Variants in JCAD observed in about 807,000 individuals in gnomAD.
JCAD encodes the protein junctional cadherin 5 associated.
A neutral mutation model predicts 98.0 loss-of-function variants in JCAD; 40 were observed. That is an observed-to-expected ratio of 0.41 (90% CI 0.32 to 0.53). JCAD has a LOEUF of 0.53. JCAD is among the 20% of genes least tolerant of loss of function. JCAD has a pLI of 0.31. For missense variants in JCAD, 1,705 were observed against 1,738.1 expected (o/e 0.98, Z 0.34); for synonymous variants, 691 against 682.3 (o/e 1.01, Z -0.20).
chr10:30,098,956 AC>A (rs1473649160), intron 1 of JCAD, among the ~76,000 whole-genome samples: 2 of 151,788 alleles, frequency 1.3e-5, no homozygotes, highest in African/African-American at 4.8e-5. Context: ...AGTTTCCTTC[AC>A]TTGGTTTATC....
chr10:30,024,913 T>C (rs1373464323), intron 3 of JCAD, among the ~76,000 whole-genome samples: 1 of 151,908 alleles, frequency 6.6e-6, no homozygotes, highest in East Asian at 2.0e-4. Context: ...GCCAGGATGG[T>C]CTCGATCTCC....
At chr10:30,071,531 G>A (rs529435600) in intron 1 of JCAD, among the ~76,000 whole-genome samples, 30 of 152,292 alleles carry the variant, frequency 2.0e-4, no homozygotes, top group Non-Finnish European at 3.4e-4. Context: ...AAGGCCGGGT[G>A]CAGTGGCTCA....
chr10:30,098,778 C>T (rs1838419971), intron 1 of JCAD, among the ~76,000 whole-genome samples: 1 of 152,176 alleles, frequency 6.6e-6, no homozygotes. Flanking sequence ...AACTTATTAT[C>T]ATGAAATCTT....
chr10:30,063,239 C>T (rs1434781965), upstream of JCAD, among the ~76,000 whole-genome samples: 6 of 152,070 alleles, frequency 3.9e-5, no homozygotes, highest in African/African-American at 1.4e-4. Flanking sequence ...AAGTCTGGCA[C>T]AGCCCTGGGA....
intron 1 of JCAD, among the ~76,000 whole-genome samples, chr10:30,053,351 A>G (rs1350028200): frequency 2.0e-5 from 3 of 152,122 alleles, no homozygotes; most frequent in African/African-American, 7.2e-5. Flanking sequence ...ACTTGAGGTC[A>G]GGAGTTAGAG....
chr10:30,115,202 A>C (rs1198849601), intron 1 of JCAD, among the ~76,000 whole-genome samples: 1 of 152,222 alleles, frequency 6.6e-6, no homozygotes, highest in Non-Finnish European at 1.5e-5. Context: ...CTCTCTCTCC[A>C]GGAGATCCTT....
chr10:30,014,566 C>T lies in JCAD; in HGVS notation c.*3317G>A, dbSNP rs566789148. 9 of 152,142 alleles carry T rather than the reference C, an allele frequency of 5.9e-5. No individual in the cohort carries two copies. The highest frequency in any genetic ancestry group is 1.4e-4 in the African/African-American group (6 of 41,436). The allele number at this position is 152,142 out of a possible 1,614,324, so 9.4% of individuals were successfully genotyped here. Reference sequence around the variant, plus strand: ...ACGCAAACGTGATCTCTGGGGGTCACAAGATGAAATGGTAGGTGAATGTTA... The same window carrying T: ...ACGCAAACGTGATCTCTGGGGGTCATAAGATGAAATGGTAGGTGAATGTTA... On this transcript the variant is annotated 3_prime_UTR_variant, in exon 4 of 4. Transcript: ENST00000375377.
upstream of JCAD, among the ~76,000 whole-genome samples, chr10:30,060,963 C>T (rs952778677): frequency 3.9e-5 from 6 of 152,208 alleles, no homozygotes; most frequent in South Asian, 2.1e-4. Flanking sequence ...TGGAAAAGAA[C>T]GAACAATGTA....
chr10:30,068,508 G>A (rs1837825965), intron 2 of JCAD, among the ~76,000 whole-genome samples: 1 of 151,820 alleles, frequency 6.6e-6, no homozygotes. Flanking sequence ...TGCTGGTGCA[G>A]TACTGCATTT....
intron 1 of JCAD, among the ~76,000 whole-genome samples, chr10:30,079,868 T>C (rs901086952): frequency 2.0e-5 from 3 of 152,256 alleles, no homozygotes; most frequent in Admixed American, 2.0e-4. Flanking sequence ...GTTATAAAAA[T>C]AATTTAGGTC....
rs558984260 is a variant in JCAD at position 30,114,233 on chromosome 10, A to G, written n.128+1134T>C. 1.8e-4 allele frequency among the ~76,000 whole-genome samples: 28 copies of G among 152,282 alleles called. 1 individual carries two copies. The highest frequency in any genetic ancestry group is 2.9e-5 in the Non-Finnish European group (2 of 68,028). Reference sequence around the variant, plus strand: ...GGCACTTCATTTTGTGCTGTTGATAATGTTTTGTAATTATTTGATAAATGT... The same window carrying G: ...GGCACTTCATTTTGTGCTGTTGATAGTGTTTTGTAATTATTTGATAAATGT... On this transcript the variant is annotated intron_variant and non_coding_transcript_variant, in intron 1 of 2. Coordinates refer to the JCAD transcript ENST00000465712.
At chr10:30,019,091 C>G (rs569035101) in intron 3 of JCAD, among the ~76,000 whole-genome samples, 1 of 152,200 alleles carries the variant, frequency 6.6e-6, no homozygotes, top group South Asian at 2.1e-4. Context: ...CACAGTGGCT[C>G]ACGGCTGTAA....
intron 1 of JCAD, among the ~76,000 whole-genome samples, chr10:30,106,362 T>TG (rs1838580903): frequency 6.6e-6 from 1 of 151,922 alleles, no homozygotes; most frequent in Non-Finnish European, 1.5e-5. Context: ...GCCCAGGAGT[T>TG]GGAGACTGCA....
chr10:30,058,851 C>A (rs1165809437), intron 1 of JCAD, among the ~76,000 whole-genome samples: 1 of 152,178 alleles, frequency 6.6e-6, no homozygotes, highest in African/African-American at 2.4e-5. Flanking sequence ...CGGCCCCGGG[C>A]ACTCGCTGGG....
rs1303313665 is a variant in JCAD at position 30,109,824 on chromosome 10, C to CCTGATGTATGGACCAG, written n.128+5527_128+5542dup. Among the ~76,000 whole-genome samples, 17 of 151,804 alleles carry CCTGATGTATGGACCAG rather than the reference C, an allele frequency of 1.1e-4. No individual in the cohort carries two copies. The East Asian group carries it at 1.2e-3, about 10-fold the overall frequency. Reference sequence around the variant, plus strand: ...TATGGACCTGCTGATGTATGAACCACCTGATGTATGGACCAGCTGATGTGT... The same window carrying CCTGATGTATGGACCAG: ...TATGGACCTGCTGATGTATGAACCACCTGATGTATGGACCAGCTGATGTATGGACCAGCTGATGTGT... On this transcript the variant is annotated intron_variant and non_coding_transcript_variant, in intron 1 of 2. Transcript: ENST00000465712.
chr10:30,037,900 G>A (rs937967897), intron 2 of JCAD, among the ~76,000 whole-genome samples: 1 of 144,486 alleles, frequency 6.9e-6, no homozygotes, highest in African/African-American at 2.6e-5. Flanking sequence ...GCTTGGGTCT[G>A]GCTTCCACAA....
chr10:30,048,055 A>G (rs940501057), intron 1 of JCAD, among the ~76,000 whole-genome samples, 184 bp from the exon 2 acceptor site: 1 of 152,142 alleles, frequency 6.6e-6, no homozygotes, highest in Non-Finnish European at 1.5e-5. Flanking sequence ...ATTCACCTAG[A>G]AAGTGGGTGT....
upstream of JCAD, among the ~76,000 whole-genome samples, chr10:30,063,678 T>A (rs11007877): frequency 0.032 from 4,930 of 152,328 alleles, 257 homozygotes; most frequent in African/African-American, 0.11. Flanking sequence ...GTGTGATGTT[T>A]TGATGCTTGT....
At position 30,027,786 on chromosome 10, in the gene JCAD, C is replaced by A. The variant is rs767413271; in HGVS notation, c.2362G>T (p.Val788Phe). 2 of 1,614,268 alleles carry A rather than the reference C, an allele frequency of 1.2e-6. No individual in the cohort carries two copies. The highest frequency in any genetic ancestry group is 4.5e-5 in the East Asian group (2 of 44,884). Residue 788 changes from valine (V) to phenylalanine (F), a missense_variant, in exon 3 of 4, where the codon GTC becomes TTC. By Grantham distance (50) the Val-to-Phe change is conservative. Around this residue, in one of 3 missense-constraint regions of JCAD, gnomAD observed 1,278 missense variants for 1,243.1 expected, o/e 1.03. Coordinates refer to ENST00000375377, the MANE Select transcript of JCAD (RefSeq NM_020848.4). ...CCAGGGTGGGCTCCAAGCCCGTGGA[C>A]ATCCACGCAGGGCTGACTTCGGCCT... ...KAGRSQPCVD[V>F]HGLGAHPGPK...
Sources: allele counts gnomAD v4.1 joint callset (sites outside exome capture counted in the v4.1 genomes callset), GRCh38; gene constraint gnomAD v4.1.1; regional missense constraint gnomAD v4.1.1; transcripts MANE v1.5; gene names NCBI Gene and HGNC (gene_info 2026-07-23, HGNC 2026-07-21).